The following FER variants were observed in gnomAD, a reference collection of about 807,000 sequenced individuals.
FER encodes tyrosine-protein kinase Fer.
FER carries 63 observed loss-of-function variants against 111.0 expected under a neutral mutation model. The ratio of observed to expected loss-of-function variants is 0.57; its 90% confidence interval spans 0.46 to 0.70. FER has a LOEUF of 0.70. Among genes scored for constraint, FER ranks in the 30% least tolerant of loss-of-function variants. The pLI, the probability that FER is intolerant of heterozygous loss-of-function variation, is 0.00. For synonymous variants in FER, 327 were observed against 313.9 expected (o/e 1.04, Z -0.44); for missense variants, 914 against 954.0 (o/e 0.96, Z 0.55).
chr5:108,814,567 T>C (rs1266257373), intron 3 of FER, among the ~76,000 whole-genome samples: 1 of 152,220 alleles, frequency 6.6e-6, no homozygotes, highest in African/African-American at 2.4e-5. Context: ...ATTGATGTTA[T>C]TATCTTTAAA....
At chr5:108,900,153 G>A (rs1031886883) in intron 10 of FER, among the ~76,000 whole-genome samples, 3 of 152,090 alleles carry the variant, frequency 2.0e-5, no homozygotes, top group Non-Finnish European at 4.4e-5. Context: ...GTAGTTTAAA[G>A]CAATAAATTA....
chr5:108,890,592 C>A (rs780698230), intron 9 of FER, among the ~76,000 whole-genome samples: 4 of 152,018 alleles, frequency 2.6e-5, no homozygotes, highest in Non-Finnish European at 5.9e-5. Flanking sequence ...AAATTTTCCT[C>A]TTCTTATAAG....
At chr5:108,992,443 T>C (rs1291068667) in intron 13 of FER, among the ~76,000 whole-genome samples, 1 of 143,996 alleles carries the variant, frequency 6.9e-6, no homozygotes, top group Non-Finnish European at 1.5e-5. Context: ...CACTTCCCAG[T>C]AGGGGCGGCA....
At chr5:108,857,150 A>G (rs975067611) in intron 5 of FER, among the ~76,000 whole-genome samples, 1 of 152,128 alleles carries the variant, frequency 6.6e-6, no homozygotes, top group Non-Finnish European at 1.5e-5. Context: ...TGGTGCATAC[A>G]TATATATGCA....
chr5:108,894,156 T>G (rs1005176943), intron 9 of FER, among the ~76,000 whole-genome samples: 4 of 152,002 alleles, frequency 2.6e-5, no homozygotes, highest in Non-Finnish European at 5.9e-5. Flanking sequence ...TCCTACTTTT[T>G]CTCACCTTCT....
chr5:108,768,715 T>C (rs941227947), intron 2 of FER, among the ~76,000 whole-genome samples: 2 of 152,240 alleles, frequency 1.3e-5, no homozygotes, highest in Admixed American at 6.5e-5. Context: ...GTGCTGCCTC[T>C]GAGGATGTAA....
chr5:108,859,854 G>A (rs1345528067), intron 5 of FER, among the ~76,000 whole-genome samples: 1 of 151,464 alleles, frequency 6.6e-6, no homozygotes, highest in Non-Finnish European at 1.5e-5. Flanking sequence ...TTTAGTAAAT[G>A]TTTCTTGATA....
intron 18 of FER, among the ~76,000 whole-genome samples, chr5:109,185,094 CTGGAGAT>C (rs1206192497): frequency 6.6e-6 from 1 of 152,138 alleles, no homozygotes; most frequent in Non-Finnish European, 1.5e-5. Context: ...CTTGGAGAGG[CTGGAGAT>C]TGGAAAAAAC....
chr5:108,876,281 G>A (rs1343907706), intron 8 of FER, among the ~76,000 whole-genome samples: 1 of 152,178 alleles, frequency 6.6e-6, no homozygotes, highest in African/African-American at 2.4e-5. Context: ...ATCAGAGTAC[G>A]TAAATAAAGT....
At chr5:109,159,609 T>G (rs1184425144) in intron 17 of FER, among the ~76,000 whole-genome samples, 2 of 152,220 alleles carry the variant, frequency 1.3e-5, no homozygotes, top group African/African-American at 4.8e-5. Context: ...GTGGGGTGTA[T>G]AGTACGGTCA....
At chr5:108,876,844 A>G (rs1765136432) in intron 8 of FER, among the ~76,000 whole-genome samples, 1 of 152,208 alleles carries the variant, frequency 6.6e-6, no homozygotes, top group African/African-American at 2.4e-5. Flanking sequence ...AGGAAGTATT[A>G]TGGCCATCAA....
At chr5:109,024,418 C>T (rs376487957) in intron 13 of FER, among the ~76,000 whole-genome samples, 18 of 152,136 alleles carry the variant, frequency 1.2e-4, no homozygotes, top group African/African-American at 2.7e-4. Context: ...GGAAAGAAAA[C>T]GAAAGAAAGC....
chr5:108,833,759 A>G (rs1430324277), intron 4 of FER, among the ~76,000 whole-genome samples: 1 of 151,972 alleles, frequency 6.6e-6, no homozygotes, highest in Non-Finnish European at 1.5e-5. Flanking sequence ...CTGTAGTCCC[A>G]GCTACTCAGG....
At chr5:108,992,332 C>G (rs957657402) in intron 13 of FER, among the ~76,000 whole-genome samples, 1 of 152,234 alleles carries the variant, frequency 6.6e-6, no homozygotes, top group African/African-American at 2.4e-5. Context: ...ACCTTTACCC[C>G]CTTTCTATTC....
chr5:109,032,822 G>A (rs1225615814), intron 13 of FER, among the ~76,000 whole-genome samples: 1 of 152,132 alleles, frequency 6.6e-6, no homozygotes, highest in Non-Finnish European at 1.5e-5. Flanking sequence ...TAAGAGAATT[G>A]ATAAATAGGA....
chr5:108,897,731 T>C lies in FER; in HGVS notation c.1119T>C (p.Thr373=), dbSNP rs1328211411. 6.2e-7 allele frequency: 1 copy of C among 1,613,410 alleles called. No individual in the cohort carries two copies. Among genetic ancestry groups the C allele is most frequent in the African/African-American group, 1.3e-5 (1 of 74,870 alleles). ...AGTCAGTCCAGCAGCTGAGATGCAC[T>C]GAAGCAAAGTTTTCAGCACAGAAGG... The part of the protein sequence containing the change: ...LKQSVQQLRC[T]EAKFSAQKEL... Residue 373 remains threonine (T), a synonymous_variant, in exon 10 of 20, where the codon ACT becomes ACC. Transcript: ENST00000281092.
intron 5 of FER, among the ~76,000 whole-genome samples, chr5:108,845,298 A>C (rs2150171141): frequency 6.6e-6 from 1 of 151,054 alleles, no homozygotes; most frequent in East Asian, 2.0e-4. Flanking sequence ...CAGCCTCCTG[A>C]GTAGCTGGGA....
chr5:108,778,203 A>C (rs775871911), intron 2 of FER, among the ~76,000 whole-genome samples: 6 of 152,196 alleles, frequency 3.9e-5, no homozygotes, highest in Non-Finnish European at 7.3e-5. Context: ...CACCTACTGA[A>C]AGACATCTTG....
Position 108,954,785 on chromosome 5 carries a change from T to C in FER, c.1386T>C (p.His462=), listed in dbSNP as rs768047531. 3 of 1,612,250 alleles carry C rather than the reference T, an allele frequency of 1.9e-6. No individual in the cohort carries two copies. The highest frequency in any genetic ancestry group is 2.5e-6 in the Non-Finnish European group (3 of 1,178,980). ...CTTTGGCAGAACAGGACTGGTACCATGGTGCAATTCCCAGAATAGAAGCTC... is the reference window on the plus strand; with the variant it reads ...CTTTGGCAGAACAGGACTGGTACCACGGTGCAATTCCCAGAATAGAAGCTC... ...EKPLAEQDWY[H]GAIPRIEAQE... is the part of the protein sequence containing the mutation. Residue 462 remains histidine (H), a synonymous_variant, in exon 12 of 20, where the codon CAT becomes CAC. Coordinates refer to ENST00000281092, the MANE Select transcript of FER (RefSeq NM_005246.4).
Sources: gnomAD v4.1 joint callset for allele counts (sites outside exome capture counted in the v4.1 genomes callset) on GRCh38, gnomAD v4.1.1 for gene constraint, MANE v1.5 for transcripts, NCBI Gene and HGNC (gene_info 2026-07-23, HGNC 2026-07-21) for gene names.